PRSS2: variants seen among roughly 807,000 people sequenced by gnomAD.
PRSS2 encodes serine protease 2.
In PRSS2, 19 loss-of-function variants were observed where a neutral mutation model predicts 19.2. The ratio of observed to expected loss-of-function variants is 0.99; its 90% confidence interval spans 0.69 to 1.45. PRSS2 has a LOEUF of 1.45. Among genes scored for constraint, PRSS2 ranks in the 40% most tolerant of loss-of-function variants. The pLI, the probability that PRSS2 is intolerant of heterozygous loss-of-function variation, is 0.00. For synonymous variants in PRSS2, 107 were observed against 117.5 expected, an observed-to-expected ratio of 0.91 and a Z score of 0.58; for missense variants, 288 against 294.4, an observed-to-expected ratio of 0.98 and a Z score of 0.16.
chr7:142,771,658 G>C (rs865843911), intron 1 of PRSS2, among the ~76,000 whole-genome samples: 1 of 150,372 alleles, frequency 6.7e-6, no homozygotes, highest in Non-Finnish European at 1.5e-5. Context: ...GGTTTTCCTA[G>C]CTTGGCCAAA....
chr7:142,773,290 G>A lies in PRSS2; in HGVS notation c.225G>A (p.Glu75=). ...GCCGCATCCAGGTGAGACTGGGAGA[G>A]CACAACATCGAAGTCCTGGAGGGGA... ...YKSRIQVRLG[E]HNIEVLEGNE... Residue 75 remains glutamate, a synonymous_variant, in exon 3 of 5, where the codon GAG becomes GAA. Coordinates refer to ENST00000539842, the MANE Select transcript of PRSS2 (RefSeq NM_002770.4). 1 of 1,614,264 alleles carries A rather than the reference G, an allele frequency of 6.2e-7. No homozygotes were observed.
chr7:142,772,495 T>A, intron 2 of PRSS2: 1 of 693,196 alleles, frequency 1.4e-6, no homozygotes, highest in Non-Finnish European at 2.6e-6. Flanking sequence ...CTTTTGCTGG[T>A]TAGCTACACA....
At chr7:142,774,329 A>G (rs1554507250) in intron 4 of PRSS2, 27 bp from the exon 5 acceptor site, 1 of 1,173,170 alleles carries the variant, frequency 8.5e-7, no homozygotes, top group South Asian at 1.2e-5. Context: ...CTCTCTCTTC[A>G]TACAACTTGT....
chr7:142,773,410 A>ATG lies in PRSS2; in HGVS notation c.345_346insTG (p.Pro116CysfsTer34). 6.2e-7 allele frequency: 1 copy of ATG among 1,607,436 alleles called. No individual in the cohort carries two copies. ...ACATCCTGCTGATCAAGCTCTCCTC[A>ATG]CCTGCCGTCATCAATTCCCGCGTGT... On this transcript the variant is annotated frameshift_variant, in exon 3 of 5. Transcript: ENST00000539842. LOFTEE classifies it high-confidence loss of function.
Position 142,774,260 on chromosome 7 carries a change from G to T in PRSS2, c.592-96G>T, listed in dbSNP as rs971379143. 18 of 1,065,780 alleles carry T rather than the reference G, an allele frequency of 1.7e-5. No individual in the cohort carries two copies. The African/African-American group carries it at 2.6e-4, about 15-fold the overall frequency. 66.0% of individuals were successfully genotyped at this position (1,065,780 alleles called of 1,614,324 possible). On this transcript the variant is annotated intron_variant, in intron 4 of 4. Coordinates refer to ENST00000539842, the MANE Select transcript of PRSS2 (RefSeq NM_002770.4). ...CGTGAGAAGGACGTGGAGCCACAGA[G>T]CTGGCTGGAAAGGGCTCTTTTAAGG...
chr7:142,771,159 C>T lies in PRSS2; in HGVS notation c.40+137C>T, dbSNP rs899773508. On this transcript the variant is annotated intron_variant, in intron 1 of 4. Transcript: ENST00000539842. ...CCATCTGGCATTTCTTCTTCCCATC[C>T]TCCTTGGGCTCTTTTTAAGCCTCAC... The T allele has an allele frequency of 8.6e-4, 421 of 488,422 alleles. 1 individual carries two copies. The highest frequency in any genetic ancestry group is 7.7e-3 in the African/African-American group (393 of 51,188). The allele number at this position is 488,422 out of a possible 1,614,324, so 30.3% of individuals were successfully genotyped here. A position where few individuals can be genotyped will look rare whatever the true frequency, so the allele number is the denominator to read the frequency against.
At chr7:142,774,241 A>T in intron 4 of PRSS2, 115 bp from the exon 5 acceptor site, 1 of 1,099,420 alleles carries the variant, frequency 9.1e-7, no homozygotes, top group Non-Finnish European at 1.4e-6. Flanking sequence ...CCACCGTGAG[A>T]AGGACGTGGA....
chr7:142,772,627 T>G (rs1586040164), intron 2 of PRSS2: 1 of 568,102 alleles, frequency 1.8e-6, no homozygotes, highest in African/African-American at 3.8e-5. Context: ...ACTCTACCTC[T>G]GGTAACTGTA....
Position 142,772,182 on chromosome 7 carries a change from G to A in PRSS2, c.174G>A (p.Val58=). Residue 58 remains valine (V), a synonymous_variant, in exon 2 of 5, where the codon GTG becomes GTA. Transcript: ENST00000539842. ...CGGSLISEQW[V]VSAGHCYKSR... ...GCTCCCTCATCAGCGAACAGTGGGT[G>A]GTGTCAGCAGGTCACTGCTACAAGT... 6.2e-7 allele frequency: 1 copy of A among 1,613,866 alleles called. No homozygotes were observed. Among genetic ancestry groups the A allele is most frequent in the Non-Finnish European group, 8.5e-7 (1 of 1,179,738 alleles).
At chr7:142,771,803 C>A (rs1434364994) in intron 1 of PRSS2, among the ~76,000 whole-genome samples, 1 of 25,132 alleles carries the variant, frequency 4.0e-5, no homozygotes, top group East Asian at 3.3e-4. Flanking sequence ...ATATTCCTTG[C>A]GTCCTCAGCC....
rs1318373448 is a variant in PRSS2, at chr7:142,771,936, T to G, written c.41-113T>G. ...GGCTGGCAGCGCTCCCCCCCTTGCC[T>G]AGCCTCACTGAGCTTGTTAAGGTTT... On this transcript the variant is annotated intron_variant, in intron 1 of 4. Coordinates refer to ENST00000539842, the MANE Select transcript of PRSS2 (RefSeq NM_002770.4). The G allele has an allele frequency of 4.0e-6, 6 of 1,516,120 alleles. No individual in the cohort carries two copies. The East Asian group carries it at 1.1e-4, about 28-fold the overall frequency. The allele number at this position is 1,516,120 out of a possible 1,614,324, so 93.9% of individuals were successfully genotyped here.
intron 1 of PRSS2, among the ~76,000 whole-genome samples, chr7:142,771,832 T>A (rs914891985): frequency 6.6e-6 from 1 of 152,364 alleles, no homozygotes; most frequent in South Asian, 2.1e-4. Context: ...CCAGGAGAGA[T>A]CTGAACCCCC....
rs1400300771 is a variant in PRSS2 at position 142,774,458 on chromosome 7, G to A, written c.694G>A (p.Val232Ile). 4 of 1,610,662 alleles carry A rather than the reference G, an allele frequency of 2.5e-6. No homozygotes were observed. Among genetic ancestry groups the A allele is most frequent in the East Asian group, 2.2e-5 (1 of 44,860 alleles). Residue 232 changes from valine to isoleucine, a missense_variant, in exon 5 of 5, where the codon GTC becomes ATC. Transcript: ENST00000539842. ...QKNRPGVYTK[V>I]YNYVDWIKDT... The stretch of plus-strand genomic sequence containing the variant: ...GAACAGGCCTGGAGTCTACACCAAG[G>A]TCTACAACTATGTGGACTGGATTAA...
intron 2 of PRSS2, chr7:142,772,515 C>T (rs1207215497): frequency 1.4e-6 from 1 of 692,594 alleles, no homozygotes; most frequent in East Asian, 2.7e-5. Context: ...ATTAAAGCCA[C>T]CTAAGAATGA....
intron 1 of PRSS2, 57 bp downstream of exon 1, chr7:142,771,079 C>A: frequency 1.8e-6 from 1 of 553,062 alleles, no homozygotes; most frequent in Middle Eastern, 2.8e-4. Context: ...AGACACATGC[C>A]CTGCCATTCT....
Sources: gnomAD v4.1 joint callset for allele counts (sites outside exome capture counted in the v4.1 genomes callset) on GRCh38, gnomAD v4.1.1 for gene constraint, MANE v1.5 for transcripts, NCBI Gene and HGNC (gene_info 2026-07-23, HGNC 2026-07-21) for gene names.